Variants in HSPG2 observed in about 807,000 individuals in gnomAD.
The protein encoded by HSPG2 is basement membrane-specific heparan sulfate proteoglycan core protein.
A neutral mutation model predicts 526.6 loss-of-function variants in HSPG2; 278 were observed. The ratio of observed to expected loss-of-function variants is 0.53; its 90% CI spans 0.48 to 0.58. The LOEUF (loss-of-function observed/expected upper bound fraction) is 0.58, where lower values mean the gene tolerates loss of function less well. Among genes scored for constraint, HSPG2 ranks in the 20% least tolerant of loss-of-function variants. HSPG2 has a pLI of 0.00. For missense variants in HSPG2, 5,354 were observed against 6,099.5 expected (o/e 0.88, Z 4.07); for synonymous variants, 2,465 against 2,555.4 (o/e 0.96, Z 1.07).
At position 21,823,424 on chromosome 1, in the gene HSPG2, G is replaced by T; in HGVS notation, c.13068C>A (p.Val4356=). 1 of 1,587,402 alleles carries T rather than the reference G, an allele frequency of 6.3e-7. No individual in the cohort carries two copies. Among genetic ancestry groups the T allele is most frequent in the South Asian group, 1.1e-5 (1 of 88,870 alleles). ...GRFSSGITGC[V]KNLVLHSARP... ...GGGCCGAGTGCAGCACCAGGTTCTT[G>T]ACACAGCCTGTGATGCCTGAGGAGA... The change falls in exon 97 of 97, where the codon GTC becomes GTA. Residue 4356 remains valine, a synonymous_variant. Coordinates refer to ENST00000374695, the MANE Select transcript of HSPG2 (RefSeq NM_005529.7).
chr1:21,843,044 A>T (rs1263422997), intron 66 of HSPG2, 123 bp from the exon 67 acceptor site: 6 of 1,163,542 alleles, frequency 5.2e-6, no homozygotes, highest in Non-Finnish European at 7.5e-6. Context: ...AGAGTGGCTG[A>T]TATAACCTAA....
intron 33 of HSPG2, among the ~76,000 whole-genome samples, chr1:21,866,119 T>C (rs1381089871): frequency 2.0e-5 from 3 of 152,124 alleles, no homozygotes; most frequent in African/African-American, 7.2e-5. Flanking sequence ...TACAGGAATT[T>C]CCCATAAGGC....
intron 85 of HSPG2, 67 bp from the exon 86 acceptor site, chr1:21,830,158 A>C: frequency 1.5e-6 from 2 of 1,310,390 alleles, no homozygotes; most frequent in East Asian, 5.0e-5. Flanking sequence ...TCCTGATGCC[A>C]GAGGTCTGCC....
intron 6 of HSPG2, chr1:21,888,536 C>G: frequency 2.0e-6 from 1 of 491,578 alleles, no homozygotes. Context: ...GAACTCTTTG[C>G]CTCAAGCAAT....
At position 21,847,846 on chromosome 1, in the gene HSPG2, G is replaced by A. The variant is rs1638568748; in HGVS notation, c.7874-6C>T. 4 of 1,613,836 alleles carry A rather than the reference G, an allele frequency of 2.5e-6. No homozygotes were observed. In the African/African-American group the frequency reaches 5.3e-5, roughly 22 times the overall value. ...CGGTGGGGAGACGCTGGGCACTGGGGACAGACGGGTGTGGACCACGCAGCC... is the reference window on the plus strand; with the variant it reads ...CGGTGGGGAGACGCTGGGCACTGGGAACAGACGGGTGTGGACCACGCAGCC... On this transcript the variant is annotated splice_region_variant and splice_polypyrimidine_tract_variant and intron_variant, in intron 60 of 96. Transcript: ENST00000374695. This position sits in a 1 kb window ranked among gnomAD's most constrained non-coding sequence, Gnocchi z 4.1.
chr1:21,873,473 A>G (rs948880935), intron 29 of HSPG2, 49 bp from the exon 30 acceptor site: 21 of 1,582,760 alleles, frequency 1.3e-5, no homozygotes, highest in Non-Finnish European at 1.7e-5. Flanking sequence ...GGGAAGCAGA[A>G]CCCCAGGGCT....
chr1:21,876,587 G>A lies in HSPG2; in HGVS notation c.2751C>T (p.Asn917=). 1 of 1,614,246 alleles carries A rather than the reference G, an allele frequency of 6.2e-7. No homozygotes were observed. Among genetic ancestry groups the A allele is most frequent in the Non-Finnish European group, 8.5e-7 (1 of 1,180,040 alleles). ...ADGSFHLSTR[N]PDGCLKCFCM... is the part of the protein sequence containing the mutation. ...AGAAGCACTTGAGGCAGCCATCGGG[G>A]TTTCGGGTACTCAGGTGGAAAGAGC... The change falls in exon 22 of 97, where the codon AAC becomes AAT. Residue 917 remains asparagine (N), a synonymous_variant. Transcript: ENST00000374695.
chr1:21,866,844 A>C (rs1046662804), intron 33 of HSPG2, among the ~76,000 whole-genome samples: 2 of 152,072 alleles, frequency 1.3e-5, no homozygotes. Flanking sequence ...TTTATCAAAC[A>C]CCTGCTGATT....
intron 25 of HSPG2, among the ~76,000 whole-genome samples, chr1:21,875,388 C>T (rs369359509): frequency 2.0e-5 from 3 of 152,236 alleles, no homozygotes; most frequent in South Asian, 2.1e-4. Context: ...CCCCTCCCCC[C>T]TCCTGCGTCC....
At position 21,884,850 on chromosome 1, in the gene HSPG2, C is replaced by A; in HGVS notation, c.1424G>T (p.Gly475Val). ...IIRDVKESDQ[G>V]AYTCEAMNAR... ...GTTCATGGCCTCACAGGTGTAGGCA[C>A]CCTGGTCTGACTCCTTCACATCACG... Residue 475 changes from glycine (G) to valine (V), a missense_variant, in exon 12 of 97, where the codon GGT becomes GTT. Coordinates refer to ENST00000374695, the MANE Select transcript of HSPG2 (RefSeq NM_005529.7). 6.2e-7 allele frequency: 1 copy of A among 1,613,946 alleles called. No homozygotes were observed. The highest frequency in any genetic ancestry group is 8.5e-7 in the Non-Finnish European group (1 of 1,180,036).
intron 44 of HSPG2, among the ~76,000 whole-genome samples, 156 bp downstream of exon 44, chr1:21,856,859 C>T (rs1352661680): frequency 6.6e-6 from 1 of 152,250 alleles, no homozygotes; most frequent in Non-Finnish European, 1.5e-5. Flanking sequence ...AGATACTGTA[C>T]ATGCTTCTCT....
chr1:21,844,268 C>T lies in HSPG2; in HGVS notation c.8496G>A (p.Glu2832=). The change falls in exon 65 of 97, where the codon GAG becomes GAA. Residue 2832 remains glutamate, a synonymous_variant. Coordinates refer to ENST00000374695, the MANE Select transcript of HSPG2 (RefSeq NM_005529.7). ...CTTCTGCCACTCGGGAGGAGGAGGG[C>T]TCGATGCGGATGGGTGGGGCTCCAC... ...APGGAPPIRI[E]PSSSRVAEGQ... 1 of 1,613,536 alleles carries T rather than the reference C, an allele frequency of 6.2e-7. No homozygotes were observed. The highest frequency in any genetic ancestry group is 8.5e-7 in the Non-Finnish European group (1 of 1,179,936).
chr1:21,892,251 C>T (rs1642417519), intron 3 of HSPG2, among the ~76,000 whole-genome samples: 1 of 152,254 alleles, frequency 6.6e-6, no homozygotes, highest in African/African-American at 2.4e-5. Context: ...GTGTGGGGGC[C>T]ATGGCTCAGC....
rs1217850104 is a variant in HSPG2 at position 21,873,177 on chromosome 1, A to G, written c.3794-86T>C. On this transcript the variant is annotated intron_variant, in intron 30 of 96. Coordinates refer to ENST00000374695, the MANE Select transcript of HSPG2 (RefSeq NM_005529.7). ...TCCACTCTGCTCACCACTGAGCGGG[A>G]GCTCTGATTTCTGATGTGAGTACTC... 4 of 1,273,996 alleles carry G rather than the reference A, an allele frequency of 3.1e-6. No homozygotes were observed. The African/African-American group carries it at 4.4e-5, about 14-fold the overall frequency. 78.9% of individuals were successfully genotyped at this position (1,273,996 alleles called of 1,614,324 possible). A position where few individuals can be genotyped will look rare whatever the true frequency, so the allele number is the denominator to read the frequency against.
Position 21,855,530 on chromosome 1 carries a change from G to A in HSPG2, c.5847C>T (p.His1949=), listed in dbSNP as rs571657687. ...AGQQVARAVL[H]VHGGGGPRVQ... is the part of the protein sequence containing the mutation. ...CTGAGCCCGGCCTCTCACCATGCAC[G>A]TGGAGCACAGCCCTGGCCACCTGCT... is the stretch of plus-strand genomic sequence containing the variant. Residue 1949 remains histidine (H), a synonymous_variant, in exon 46 of 97, where the codon CAC becomes CAT. Transcript: ENST00000374695. 1.1e-5 allele frequency: 18 copies of A among 1,608,436 alleles called. No individual in the cohort carries two copies. Among genetic ancestry groups the A allele is most frequent in the African/African-American group, 8.0e-5 (6 of 75,014 alleles).
At chr1:21,849,436 G>A (rs560496654) in intron 57 of HSPG2, among the ~76,000 whole-genome samples, 2 of 152,314 alleles carry the variant, frequency 1.3e-5, no homozygotes, top group East Asian at 1.9e-4. Context: ...GACCAGAGGA[G>A]CCCCAGTGAG....
rs534514418 is a variant in HSPG2 at position 21,831,816 on chromosome 1, G to A, written c.11208-20C>T. On this transcript the variant is annotated intron_variant, in intron 81 of 96. Coordinates refer to ENST00000374695, the MANE Select transcript of HSPG2 (RefSeq NM_005529.7). ...TCGAACCTGCTCCGTGGGGCAGGCC[G>A]GGGCAGGAGAGAGTGGATAGGGGGT... 71 of 1,583,738 alleles carry A rather than the reference G, an allele frequency of 4.5e-5. No individual in the cohort carries two copies. The highest frequency in any genetic ancestry group is 3.4e-4 in the East Asian group (15 of 44,350).
At chr1:21,843,223 AGAG>A in intron 66 of HSPG2, 71 bp downstream of exon 66, 1 of 1,594,712 alleles carries the variant, frequency 6.3e-7, no homozygotes, top group Non-Finnish European at 8.6e-7. Context: ...CGGCTGGGAG[AGAG>A]GAGAGGAGCA....
intron 1 of HSPG2, among the ~76,000 whole-genome samples, chr1:21,897,083 T>C (rs371865691): frequency 1.3e-5 from 2 of 152,232 alleles, no homozygotes; most frequent in Admixed American, 1.3e-4. Context: ...CCAGCAGCCA[T>C]AACACCTGCC....
Sources: allele counts gnomAD v4.1 joint callset (sites outside exome capture counted in the v4.1 genomes callset), GRCh38; gene constraint gnomAD v4.1.1; non-coding constraint Gnocchi (gnomAD v3.1); transcripts MANE v1.5; gene names NCBI Gene and HGNC (gene_info 2026-07-23, HGNC 2026-07-21).